Variants in TRPM3 observed in about 807,000 individuals in gnomAD.
TRPM3 encodes the protein long transient receptor potential channel 3.
In TRPM3, 77 loss-of-function variants were observed where a neutral mutation model predicts 181.2. That is an observed-to-expected ratio of 0.42 (90% confidence interval 0.35 to 0.51). The LOEUF (loss-of-function observed/expected upper bound fraction) is 0.51. Among genes scored for constraint, TRPM3 ranks in the 20% least tolerant of loss-of-function variants. The pLI is 0.01. For synonymous variants in TRPM3, 745 were observed against 796.4 expected, an observed-to-expected ratio of 0.94 and a Z score of 1.09; for missense variants, 1,759 against 2,196.7, an observed-to-expected ratio of 0.80 and a Z score of 3.98.
chr9:70,619,009 A>G lies in TRPM3; in HGVS notation c.2216T>C (p.Leu739Pro). 6.2e-7 allele frequency: 1 copy of G among 1,614,252 alleles called. No individual in the cohort carries two copies. The highest frequency in any genetic ancestry group is 8.5e-7 in the Non-Finnish European group (1 of 1,180,054). Reference protein sequence around the residue: ...QLAMKLLTYELKNWSNATCLQ... With the variant: ...QLAMKLLTYEPKNWSNATCLQ... ...GCACGTGGCGTTGCTCCAGTTCTTC[A>G]GCTCATACGTCAGCAGTTTCATGGC... is the stretch of plus-strand genomic sequence containing the variant. Residue 739 changes from leucine to proline, a missense_variant, in exon 17 of 26, where the codon CTG (leucine) becomes CCG (proline). By Grantham distance (98) the Leu-to-Pro change is moderately conservative (BLOSUM62 -3). Around this residue, in one of 8 missense-constraint regions of TRPM3, gnomAD observed 737 missense variants for 957.4 expected, o/e 0.77. Transcript: ENST00000677713.
chr9:71,155,020 G>A (rs1369701213), intron 1 of TRPM3, among the ~76,000 whole-genome samples: 1 of 152,066 alleles, frequency 6.6e-6, no homozygotes, highest in African/African-American at 2.4e-5. Flanking sequence ...TCATATTAAT[G>A]GAAAACATAG....
intron 1 of TRPM3, among the ~76,000 whole-genome samples, chr9:71,222,102 T>C (rs1460878320): frequency 1.3e-5 from 2 of 152,254 alleles, no homozygotes; most frequent in Non-Finnish European, 2.9e-5. Flanking sequence ...GGATGTGCTT[T>C]CAATATATTA....
intron 1 of TRPM3, among the ~76,000 whole-genome samples, chr9:71,159,782 T>A (rs1321763068): frequency 6.6e-6 from 1 of 152,166 alleles, no homozygotes; most frequent in Non-Finnish European, 1.5e-5. Flanking sequence ...CAGAGATTTA[T>A]GAGGTTGAAT....
intron 1 of TRPM3, among the ~76,000 whole-genome samples, chr9:71,272,176 T>C (rs11142769): frequency 0.043 from 6,546 of 152,214 alleles, 217 homozygotes; most frequent in Non-Finnish European, 0.068. Flanking sequence ...GGAAGAAAAG[T>C]GTCGTATTTT....
At chr9:70,939,146 A>G (rs2096860223) in intron 1 of TRPM3, among the ~76,000 whole-genome samples, 1 of 152,144 alleles carries the variant, frequency 6.6e-6, no homozygotes, top group South Asian at 2.1e-4. Context: ...CCAAGCAACT[A>G]GGGAAGGAGG....
chr9:71,441,749 C>T, intron 1 of TRPM3, among the ~76,000 whole-genome samples: 1 of 151,468 alleles, frequency 6.6e-6, no homozygotes, highest in Non-Finnish European at 1.5e-5. Flanking sequence ...TCTCTTGCCT[C>T]AGCCTCCTGA....
At chr9:70,883,609 C>T (rs1002192620) in intron 1 of TRPM3, among the ~76,000 whole-genome samples, 2 of 152,158 alleles carry the variant, frequency 1.3e-5, no homozygotes, top group South Asian at 2.1e-4. Context: ...TTCTCCTCCT[C>T]GAAGTGACTT....
At chr9:71,413,859 T>TC (rs11380003) in intron 1 of TRPM3, among the ~76,000 whole-genome samples, 154 of 76,326 alleles carry the variant, frequency 2.0e-3, no homozygotes, top group Admixed American at 6.0e-3. Flanking sequence ...TACATTTCTC[T>TC]TTTTTTTTTT....
At position 70,535,218 on chromosome 9, in the gene TRPM3, A is replaced by G. The variant is rs2041459673; in HGVS notation, c.*735T>C. ...ACTTGACTTTTGTTTTTTTAACATC[A>G]ACTCTTCTTTCATTTCGATTGCAAT... is the stretch of plus-strand genomic sequence containing the variant. On this transcript the variant is annotated 3_prime_UTR_variant, in exon 26 of 26. Transcript: ENST00000677713. The G allele has an allele frequency of 1.7e-6, 1 of 602,812 alleles. No homozygotes were observed. Among genetic ancestry groups the G allele is most frequent in the Non-Finnish European group, 2.8e-6 (1 of 357,918 alleles). 37.3% of individuals were successfully genotyped at this position (602,812 alleles called of 1,614,324 possible). A position where few individuals can be genotyped will look rare whatever the true frequency, so the allele number is the denominator to read the frequency against.
rs1424376395 is a variant in TRPM3 at position 70,552,892 on chromosome 9, G to T, written c.3526C>A (p.Arg1176=). 1 of 1,614,028 alleles carries T rather than the reference G, an allele frequency of 6.2e-7. No individual in the cohort carries two copies. The highest frequency in any genetic ancestry group is 1.3e-5 in the African/African-American group (1 of 74,898). ...MTMIFQHLCC[R]WRKHESDPDE... ...GGGTCGCTCTCGTGTTTCCTCCATC[G>T]GCAGCACAGGTGCTGGAATATCATG... is the stretch of plus-strand genomic sequence containing the variant. Residue 1176 remains arginine, a synonymous_variant, in exon 24 of 26, where the codon CGA becomes AGA. Coordinates refer to ENST00000677713, the MANE Select transcript of TRPM3 (RefSeq NM_001366145.2).
At chr9:70,990,576 T>G (rs879819843) in intron 1 of TRPM3, among the ~76,000 whole-genome samples, 3 of 152,156 alleles carry the variant, frequency 2.0e-5, no homozygotes, top group African/African-American at 4.8e-5. Context: ...ATGTTTGCAT[T>G]AAAATGAAGG....
At chr9:70,767,498 G>A (rs1407274834) in intron 7 of TRPM3, among the ~76,000 whole-genome samples, 1 of 152,140 alleles carries the variant, frequency 6.6e-6, no homozygotes, top group Non-Finnish European at 1.5e-5. Flanking sequence ...ATGTAAAACA[G>A]CACTTATTTG....
chr9:70,562,869 G>C (rs565599790), intron 22 of TRPM3, among the ~76,000 whole-genome samples: 1 of 152,016 alleles, frequency 6.6e-6, no homozygotes, highest in African/African-American at 2.4e-5. Flanking sequence ...TATTGTACAC[G>C]CCAGTGGGTT....
intron 1 of TRPM3, among the ~76,000 whole-genome samples, chr9:71,329,560 C>CA (rs1272846805): frequency 1.3e-5 from 2 of 152,108 alleles, no homozygotes; most frequent in Non-Finnish European, 2.9e-5. Flanking sequence ...AATTATATTG[C>CA]ATAAGGGAGA....
At chr9:71,187,575 A>T (rs10732701) in intron 1 of TRPM3, among the ~76,000 whole-genome samples, 1 of 151,706 alleles carries the variant, frequency 6.6e-6, no homozygotes, top group Non-Finnish European at 1.5e-5. Context: ...CTGGAAAACA[A>T]AAAACCATTT....
At chr9:71,313,181 G>C (rs1046466065) in intron 1 of TRPM3, among the ~76,000 whole-genome samples, 1 of 152,118 alleles carries the variant, frequency 6.6e-6, no homozygotes, top group Non-Finnish European at 1.5e-5. Flanking sequence ...TGGAAATTCT[G>C]TATGTTCTGT....
At chr9:71,137,690 G>C (rs536876175) in intron 1 of TRPM3, among the ~76,000 whole-genome samples, 1 of 152,316 alleles carries the variant, frequency 6.6e-6, no homozygotes, top group Admixed American at 6.5e-5. Context: ...CACCAAAGGA[G>C]TAACATGCAA....
chr9:70,646,811 GA>G (rs2058928984), intron 9 of TRPM3, among the ~76,000 whole-genome samples: 1 of 142,242 alleles, frequency 7.0e-6, no homozygotes, highest in South Asian at 2.2e-4. Flanking sequence ...AAAAAAGAGA[GA>G]AGATCCAAAT....
chr9:70,761,295 G>A, intron 8 of TRPM3: 1 of 604,352 alleles, frequency 1.7e-6, no homozygotes, highest in Non-Finnish European at 3.0e-6. Flanking sequence ...TCAAGCTGAA[G>A]CGTTCTCCAG....
Sources: gnomAD v4.1 joint callset for allele counts (sites outside exome capture counted in the v4.1 genomes callset) on GRCh38, gnomAD v4.1.1 for gene constraint, gnomAD v4.1.1 regional missense constraint, MANE v1.5 for transcripts, NCBI Gene and HGNC (gene_info 2026-07-23, HGNC 2026-07-21) for gene names.